The following C12orf42 variants were observed in gnomAD, a reference collection of about 807,000 sequenced individuals.
C12orf42 encodes the protein uncharacterized protein C12orf42.
In C12orf42, 25 loss-of-function variants were observed where a neutral mutation model predicts 21.6. The ratio of observed to expected loss-of-function variants is 1.16; its 90% CI spans 0.84 to 1.62. C12orf42 has a LOEUF of 1.62. Ranked by LOEUF, C12orf42 falls within the 40% of genes most tolerant of loss-of-function variation. The pLI is 0.00. For missense variants in C12orf42, 483 were observed against 459.3 expected (o/e 1.05, Z -0.47); for synonymous variants, 174 against 175.0 (o/e 0.99, Z 0.05).
chr12:103,560,632 G>C, the C12orf42 span, among the ~76,000 whole-genome samples: 1 of 152,260 alleles, frequency 6.6e-6, no homozygotes, highest in Non-Finnish European at 1.5e-5. Context: ...AAGCAGTGAA[G>C]AAACAGCCAC....
chr12:103,227,015 C>T, the C12orf42 span, among the ~76,000 whole-genome samples: 1,897 of 152,182 alleles, frequency 0.012, 17 homozygotes, highest in Non-Finnish European at 0.021. Context: ...GAACTACTGT[C>T]GAGTTTGTAT....
At chr12:103,423,949 C>G (rs542114809) in intron 2 of C12orf42, among the ~76,000 whole-genome samples, 1 of 152,308 alleles carries the variant, frequency 6.6e-6, no homozygotes, top group South Asian at 2.1e-4. Flanking sequence ...TTATTCAACT[C>G]TATTACCTGA....
the C12orf42 span, chr12:103,505,610 C>CCTG: frequency 3.4e-6 from 1 of 294,270 alleles, no homozygotes; most frequent in Non-Finnish European, 6.4e-6. Flanking sequence ...GAGTCTTAGG[C>CCTG]TCTGCTGTAA....
intron 10 of C12orf42, among the ~76,000 whole-genome samples, chr12:103,250,947 C>T (rs1190529762): frequency 6.6e-6 from 1 of 151,916 alleles, no homozygotes; most frequent in East Asian, 1.9e-4. Context: ...TGACTTCAAA[C>T]ATTACTCAAA....
intron 2 of C12orf42, among the ~76,000 whole-genome samples, chr12:103,424,584 C>A (rs922315548): frequency 6.6e-6 from 1 of 152,186 alleles, no homozygotes; most frequent in African/African-American, 2.4e-5. Context: ...AGGGAACTCC[C>A]TCCCCTAGCC....
rs79758128 is a variant in C12orf42 at position 103,432,606 on chromosome 12, T to C, written c.79-30931A>G. On this transcript the variant is annotated intron_variant, in intron 2 of 5. Coordinates refer to ENST00000548883, the MANE Select transcript of C12orf42 (RefSeq NM_198521.5). ...CTCTTACTGTATGTTATGGGCTGAATTGTGCCTCTCTCCCAAATTCACACT... is the reference window on the plus strand; with the variant it reads ...CTCTTACTGTATGTTATGGGCTGAACTGTGCCTCTCTCCCAAATTCACACT... 1.7e-3 allele frequency among the ~76,000 whole-genome samples: 254 copies of C among 152,354 alleles called. 2 individuals carry two copies. Among genetic ancestry groups the C allele is most frequent in the Non-Finnish European group, 3.0e-3 (203 of 68,030 alleles).
At chr12:103,426,342 A>C (rs1223572850) in intron 2 of C12orf42, among the ~76,000 whole-genome samples, 1 of 152,252 alleles carries the variant, frequency 6.6e-6, no homozygotes, top group East Asian at 1.9e-4. Context: ...GAATTGATCA[A>C]GTGGAAGAAA....
At chr12:103,297,648 C>G (rs2037389351), downstream of C12orf42, among the ~76,000 whole-genome samples, 1 of 151,510 alleles carries the variant, frequency 6.6e-6, no homozygotes, top group African/African-American at 2.4e-5. Context: ...AGAGACACAA[C>G]AAAAAAAGAG....
At chr12:103,514,413 G>A in the C12orf42 span, among the ~76,000 whole-genome samples, 290 of 152,264 alleles carry the variant, frequency 1.9e-3, 3 homozygotes, top group African/African-American at 5.2e-3. Context: ...TAAGGGAACC[G>A]TCTTCCTGGA....
chr12:103,436,512 A>C (rs1232751546), intron 2 of C12orf42, among the ~76,000 whole-genome samples: 2 of 151,500 alleles, frequency 1.3e-5, no homozygotes, highest in African/African-American at 4.9e-5. Context: ...AACCCATCTC[A>C]CGTGCAGAGA....
intron 4 of C12orf42, among the ~76,000 whole-genome samples, chr12:103,294,995 C>T (rs886749835): frequency 6.6e-6 from 1 of 152,122 alleles, no homozygotes; most frequent in Non-Finnish European, 1.5e-5. Context: ...AATTTAGCTC[C>T]CACTTATGAC....
intron 2 of C12orf42, among the ~76,000 whole-genome samples, chr12:103,414,277 T>C (rs2049108609): frequency 6.6e-6 from 1 of 152,226 alleles, no homozygotes; most frequent in Non-Finnish European, 1.5e-5. Flanking sequence ...GCCATTTGCA[T>C]ATCTTCTTCT....
At chr12:103,137,072 A>T in the C12orf42 span, among the ~76,000 whole-genome samples, 1 of 152,208 alleles carries the variant, frequency 6.6e-6, no homozygotes, top group Non-Finnish European at 1.5e-5. Flanking sequence ...GGAAACAATC[A>T]AGAGAGTTAA....
the C12orf42 span, among the ~76,000 whole-genome samples, chr12:103,183,409 T>C: frequency 3.4e-3 from 518 of 152,378 alleles, 1 homozygote; most frequent in African/African-American, 0.012. Context: ...ATGTAGAGCC[T>C]ATAGTGAGAT....
chr12:103,080,129 C>T, the C12orf42 span, among the ~76,000 whole-genome samples: 54 of 152,186 alleles, frequency 3.5e-4, no homozygotes, highest in Admixed American at 1.2e-3. Flanking sequence ...TAAAACAACA[C>T]GAGAGGAGGC....
the C12orf42 span, among the ~76,000 whole-genome samples, chr12:103,510,618 G>A: frequency 2.6e-5 from 4 of 152,104 alleles, no homozygotes; most frequent in Non-Finnish European, 2.9e-5. Flanking sequence ...ATTCTGCCAC[G>A]GAGATATAAG....
chr12:103,194,196 A>G, the C12orf42 span, among the ~76,000 whole-genome samples: 1 of 152,224 alleles, frequency 6.6e-6, no homozygotes, highest in Admixed American at 6.5e-5. Flanking sequence ...AAGGCTATAT[A>G]TGAAAAACCC....
chr12:103,391,857 CT>C (rs1467848241), intron 3 of C12orf42, among the ~76,000 whole-genome samples: 1 of 151,896 alleles, frequency 6.6e-6, no homozygotes, highest in Non-Finnish European at 1.5e-5. Context: ...TCTATATTTT[CT>C]TTTTTTACCT....
chr12:103,172,781 C>T, the C12orf42 span, among the ~76,000 whole-genome samples: 1 of 152,132 alleles, frequency 6.6e-6, no homozygotes, highest in Non-Finnish European at 1.5e-5. Flanking sequence ...AAAAGAAGAA[C>T]ATAGTATAAT....
Sources: gnomAD v4.1 joint callset for allele counts (sites outside exome capture counted in the v4.1 genomes callset) on GRCh38, gnomAD v4.1.1 for gene constraint, MANE v1.5 for transcripts, NCBI Gene and HGNC (gene_info 2026-07-23, HGNC 2026-07-21) for gene names.